POU2F2: variants seen among roughly 807,000 people sequenced by gnomAD.
POU2F2 encodes the protein POU domain, class 2, transcription factor 2.
A neutral mutation model predicts 63.5 loss-of-function variants in POU2F2; 14 were observed. The observed-to-expected ratio is 0.22, with a 90% CI of 0.15 to 0.34. The LOEUF (loss-of-function observed/expected upper bound fraction) is 0.34, where lower values mean the gene tolerates loss of function less well. Ranked by LOEUF, POU2F2 falls within the 10% of genes least tolerant of loss-of-function variation. The probability of loss-of-function intolerance (pLI) is 1.00; values close to 1 mark genes in which losing one functional copy is unlikely to be tolerated. For missense variants in POU2F2, 607 were observed against 815.2 expected (o/e 0.74, Z 3.11); for synonymous variants, 306 against 348.6 (o/e 0.88, Z 1.36).
intron 11 of POU2F2, among the ~76,000 whole-genome samples, chr19:42,094,341 T>C (rs769368355): frequency 3.3e-5 from 5 of 152,154 alleles, no homozygotes; most frequent in Non-Finnish European, 7.4e-5. Flanking sequence ...AGATCTAAAG[T>C]GCGAGGCTAA....
chr19:42,142,487 G>C (rs2034148178), intron 2 of POU2F2, among the ~76,000 whole-genome samples: 1 of 152,040 alleles, frequency 6.6e-6, no homozygotes, highest in Non-Finnish European at 1.5e-5. Context: ...ACTGTGCCCG[G>C]CCAGCACTTT....
rs2076826131 is a variant in POU2F2, at chr19:42,093,879, CCCCCTTGGGGTGTGA to C, written c.1199_1213del (p.Val400_Gly404del). ...TTGGGACAACGGTAAGGTCCCCGCG[CCCCCTTGGGGTGTGA>C]CCTGAGGAGAGAAGAAAGGAGGTGT... On this transcript the variant is annotated inframe_deletion and splice_region_variant, in exon 12 of 15. Transcript: ENST00000692977. 1.2e-6 allele frequency: 2 copies of C among 1,611,904 alleles called. No individual in the cohort carries two copies. The highest frequency in any genetic ancestry group is 1.7e-6 in the Non-Finnish European group (2 of 1,178,450).
Position 42,162,110 on chromosome 19 carries a change from C to T in POU2F2, c.-69-1718G>A, listed in dbSNP as rs2034563916. Reference sequence around the variant, plus strand: ...AGGCCTCGGGGGGGCCAGAGTCAGACAGCGCCTTAGGGCTGGGGTCTTCCC... The same window carrying T: ...AGGCCTCGGGGGGGCCAGAGTCAGATAGCGCCTTAGGGCTGGGGTCTTCCC... On this transcript the variant is annotated intron_variant, in intron 1 of 6. Transcript: ENST00000524801. The surrounding 1 kb of genome is among the most constrained non-coding windows in gnomAD (Gnocchi z 4.1). Among the ~76,000 whole-genome samples the T allele has an allele frequency of 6.6e-6, 1 of 152,156 alleles. No individual in the cohort carries two copies. Among genetic ancestry groups the T allele is most frequent in the Non-Finnish European group, 1.5e-5 (1 of 68,020 alleles).
intron 1 of POU2F2, among the ~76,000 whole-genome samples, chr19:42,124,832 T>A (rs958825360): frequency 6.6e-6 from 1 of 152,150 alleles, no homozygotes; most frequent in African/African-American, 2.4e-5. Flanking sequence ...AATTTATGAT[T>A]CCAATTACAG....
At chr19:42,177,513 A>T (rs971227744), upstream of POU2F2, among the ~76,000 whole-genome samples, 13 of 151,976 alleles carry the variant, frequency 8.6e-5, no homozygotes, top group African/African-American at 3.1e-4. Context: ...ACAGAGACAC[A>T]GAGAGACACA....
intron 1 of POU2F2, among the ~76,000 whole-genome samples, chr19:42,192,464 T>C (rs890291878): frequency 6.6e-6 from 1 of 152,198 alleles, no homozygotes; most frequent in African/African-American, 2.4e-5. Flanking sequence ...TTGTAGTACC[T>C]AGGACAGGTG....
intron 12 of POU2F2, 102 bp downstream of exon 12, chr19:42,093,727 A>T (rs779036366): frequency 8.3e-7 from 1 of 1,197,798 alleles, no homozygotes; most frequent in Non-Finnish European, 1.2e-6. Flanking sequence ...CCCCAGGCCC[A>T]GTCTTGAGGC....
intron 1 of POU2F2, among the ~76,000 whole-genome samples, chr19:42,174,210 G>C (rs1052696474): frequency 6.6e-5 from 10 of 152,108 alleles, no homozygotes; most frequent in Non-Finnish European, 1.3e-4. Flanking sequence ...GACACGCAGA[G>C]ACCCCGAGCA....
In POU2F2 at chr19:42,089,716, ATATATATATATATATGTT is replaced by A. The variant is rs1165124495; in HGVS notation, c.*1523_*1540del. 2 of 147,058 alleles carry A rather than the reference ATATATATATATATATGTT, an allele frequency of 1.4e-5. No individual in the cohort carries two copies. Among genetic ancestry groups the A allele is most frequent in the Admixed American group, 6.8e-5 (1 of 14,746 alleles). The allele number at this position is 147,058 out of a possible 1,614,324, so 9.1% of individuals were successfully genotyped here. On this transcript the variant is annotated 3_prime_UTR_variant, in exon 15 of 15. Transcript: ENST00000692977. ...TCCTCATCTTCTTTCCCTTTTATAT[ATATATATATATATATGTT>A]TATATATATATATAAATTTTTTTTC...
intron 5 of POU2F2, among the ~76,000 whole-genome samples, chr19:42,102,077 A>G (rs1179731216): frequency 1.3e-5 from 2 of 152,220 alleles, no homozygotes; most frequent in Admixed American, 6.5e-5. Flanking sequence ...GTTTACCACA[A>G]GACATGTACT....
intron 1 of POU2F2, among the ~76,000 whole-genome samples, chr19:42,191,235 C>T (rs1046763087): frequency 9.9e-5 from 15 of 152,148 alleles, no homozygotes; most frequent in African/African-American, 3.6e-4. Flanking sequence ...AAATTAGGTT[C>T]CTCCCTAAAA....
intron 2 of POU2F2, among the ~76,000 whole-genome samples, chr19:42,146,165 T>C (rs2034230683): frequency 6.6e-6 from 1 of 152,188 alleles, no homozygotes; most frequent in African/African-American, 2.4e-5. Flanking sequence ...AAAGCATTGT[T>C]AACATCCCCA....
At position 42,122,373 on chromosome 19, in the gene POU2F2, C is replaced by T. The variant is rs769204325; in HGVS notation, c.100G>A (p.Glu34Lys). The change falls in exon 3 of 15, where the codon GAA becomes AAA. Residue 34 changes from glutamate to lysine, a missense_variant. Glu to Lys is a moderately conservative substitution (Grantham distance 56). Coordinates refer to ENST00000692977, the MANE Select transcript of POU2F2 (RefSeq NM_001394376.1). ...LDSPSEHTDT[E>K]RNGPDTNHQN... ...TGATTAGTGTCTGGTCCATTTCTTT[C>T]GGTGTCTGCAAAGAGAGGGAAAGGA... The T allele has an allele frequency of 3.3e-5, 49 of 1,487,890 alleles. 1 individual carries two copies. The highest frequency in any genetic ancestry group is 1.8e-4 in the Middle Eastern group (1 of 5,464). 92.2% of individuals were successfully genotyped at this position (1,487,890 alleles called of 1,614,324 possible). A position where few individuals can be genotyped will look rare whatever the true frequency, so the allele number is the denominator to read the frequency against.
upstream of POU2F2, among the ~76,000 whole-genome samples, chr19:42,178,871 A>G: frequency 6.6e-6 from 1 of 152,214 alleles, no homozygotes; most frequent in East Asian, 1.9e-4. Flanking sequence ...AGAGACCCAG[A>G]GAGTCAAAGT....
Position 42,117,154 on chromosome 19 carries a change from G to T in POU2F2, c.369+96C>A. The T allele has an allele frequency of 9.9e-7, 1 of 1,015,110 alleles. No individual in the cohort carries two copies. Among genetic ancestry groups the T allele is most frequent in the Non-Finnish European group, 1.4e-6 (1 of 693,946 alleles). The allele number at this position is 1,015,110 out of a possible 1,614,324, so 62.9% of individuals were successfully genotyped here. ...GGCAAGAGGCAGGTGTGAGAGAGTG[G>T]CCATGGCCTTGGTGGAACAGTTCAT... On this transcript the variant is annotated intron_variant, in intron 5 of 14. Coordinates refer to ENST00000692977, the MANE Select transcript of POU2F2 (RefSeq NM_001394376.1). This position sits in a 1 kb window ranked among gnomAD's most constrained non-coding sequence, Gnocchi z 4.4.
At chr19:42,144,511 G>A (rs576999837) in intron 2 of POU2F2, among the ~76,000 whole-genome samples, 79 of 152,324 alleles carry the variant, frequency 5.2e-4, no homozygotes, top group Middle Eastern at 3.4e-3. Flanking sequence ...TCTTCAGGGA[G>A]GGCCCACTGT....
At chr19:42,119,133 A>AG (rs1555722501) in intron 4 of POU2F2, among the ~76,000 whole-genome samples, 10 of 151,624 alleles carry the variant, frequency 6.6e-5, no homozygotes, top group East Asian at 5.8e-4. Flanking sequence ...TTAAAAAAAA[A>AG]AGAGAGAGAG....
Position 42,164,645 on chromosome 19 carries a change from T to C in POU2F2, c.-69-4253A>G, listed in dbSNP as rs1232034937. Among the ~76,000 whole-genome samples the C allele has an allele frequency of 2.0e-5, 3 of 148,986 alleles. No individual in the cohort carries two copies. In the East Asian group the frequency reaches 5.9e-4, roughly 29 times the overall value. ...AATTATTTGGGTAAACTCATAGCCATAATCTCCTTTGGAGAAAAAAAAAAA... is the reference window on the plus strand; with the variant it reads ...AATTATTTGGGTAAACTCATAGCCACAATCTCCTTTGGAGAAAAAAAAAAA... On this transcript the variant is annotated intron_variant, in intron 1 of 6. Transcript: ENST00000524801.
In POU2F2 at chr19:42,132,380, T is replaced by C. The variant is rs1313851527; in HGVS notation, c.28+4A>G. 6.4e-7 allele frequency: 1 copy of C among 1,572,384 alleles called. No individual in the cohort carries two copies. The highest frequency in any genetic ancestry group is 8.6e-7 in the Non-Finnish European group (1 of 1,163,044). The stretch of plus-strand genomic sequence containing the variant: ...AGCAGTGGCACAGGCACCAGCCCCC[T>C]TACCTGGAGCCCCCATGCTGGAGTG... On this transcript the variant is annotated splice_donor_region_variant and intron_variant, in intron 1 of 14. Coordinates refer to ENST00000692977, the MANE Select transcript of POU2F2 (RefSeq NM_001394376.1).
Sources: gnomAD v4.1 joint callset for allele counts (sites outside exome capture counted in the v4.1 genomes callset) on GRCh38, gnomAD v4.1.1 for gene constraint, Gnocchi (gnomAD v3.1) non-coding constraint, MANE v1.5 for transcripts, NCBI Gene and HGNC (gene_info 2026-07-23, HGNC 2026-07-21) for gene names.